ZNF195: variants seen among roughly 807,000 people sequenced by gnomAD.
ZNF195 encodes hypoxia-regulated factor-1.
A neutral mutation model predicts 19.5 loss-of-function variants in ZNF195; 11 were observed. The ratio of observed to expected loss-of-function variants is 0.57; its 90% CI spans 0.36 to 0.94. The LOEUF (loss-of-function observed/expected upper bound fraction) is 0.94, where lower values mean the gene tolerates loss of function less well. ZNF195 is among the 40% of genes least tolerant of loss of function. ZNF195 has a pLI of 0.01. For missense variants in ZNF195, 582 were observed against 709.0 expected, an observed-to-expected ratio of 0.82 and a Z score of 2.03; for synonymous variants, 214 against 248.1, an observed-to-expected ratio of 0.86 and a Z score of 1.29.
At chr11:3,362,767 A>G (rs1229808602) in intron 3 of ZNF195, 1 of 331,270 alleles carries the variant, frequency 3.0e-6, no homozygotes, top group Non-Finnish European at 5.5e-6. Context: ...TTTAGGAACT[A>G]AACTACTCAA....
At chr11:3,370,868 C>G (rs3794189) in intron 3 of ZNF195, 107 bp downstream of exon 3, 794,701 of 1,055,758 alleles carry the variant, frequency 0.75, 302,000 homozygotes, top group Middle Eastern at 0.82. Flanking sequence ...CTCTCAGAAA[C>G]CATCTCCACT....
rs771512349 is a variant in ZNF195 at position 3,359,072 on chromosome 11, C to G, written c.*46G>C. 1 of 1,500,358 alleles carries G rather than the reference C, an allele frequency of 6.7e-7. No individual in the cohort carries two copies. The highest frequency in any genetic ancestry group is 1.5e-5 in the South Asian group (1 of 68,774). 92.9% of individuals were successfully genotyped at this position (1,500,358 alleles called of 1,614,324 possible). A position where few individuals can be genotyped will look rare whatever the true frequency, so the allele number is the denominator to read the frequency against. ...ACTCTGATGTAAAGTGGGATGCGAG[C>G]AGATACTAACGGCTTTGCCTATTTT... On this transcript the variant is annotated 3_prime_UTR_variant, in exon 6 of 6. Coordinates refer to ENST00000399602, the MANE Select transcript of ZNF195 (RefSeq NM_001130520.3). This position sits in a 1 kb window ranked among gnomAD's most constrained non-coding sequence, Gnocchi z 5.5.
rs1848467278 is a variant in ZNF195 at position 3,358,149 on chromosome 11, G to A, written c.*969C>T. 2 of 152,038 alleles carry A rather than the reference G, an allele frequency of 1.3e-5. No individual in the cohort carries two copies. Among genetic ancestry groups the A allele is most frequent in the African/African-American group, 2.4e-5 (1 of 41,352 alleles). 9.4% of individuals were successfully genotyped at this position (152,038 alleles called of 1,614,324 possible). On this transcript the variant is annotated 3_prime_UTR_variant, in exon 6 of 6. Transcript: ENST00000399602. ...ATGTTTTTTGCCAGCTTTGTTATGCGAGGTGAACAGACATGTTAACCGCAT... is the reference window on the plus strand; with the variant it reads ...ATGTTTTTTGCCAGCTTTGTTATGCAAGGTGAACAGACATGTTAACCGCAT...
chr11:3,360,154 G>A lies in ZNF195; in HGVS notation c.854C>T (p.Ser285Leu), dbSNP rs1848558160. ...GECGKTFIQC[S>L]HFTEPENIDT... is the part of the protein sequence containing the mutation. ...AATGTTCTCAGGTTCAGTAAAGTGTGAGCACTGGATAAAGGTTTTGCCACA... is the reference window on the plus strand; with the variant it reads ...AATGTTCTCAGGTTCAGTAAAGTGTAAGCACTGGATAAAGGTTTTGCCACA... The change falls in exon 6 of 6, where the codon TCA becomes TTA. Residue 285 changes from serine (S) to leucine (L), a missense_variant. Ser to Leu is a moderately radical substitution (Grantham distance 145, BLOSUM62 -2). Around this residue, in one of 3 missense-constraint regions of ZNF195, gnomAD observed 407 missense variants for 530.5 expected, o/e 0.77. Transcript: ENST00000399602. The A allele has an allele frequency of 1.2e-6, 2 of 1,613,988 alleles. No homozygotes were observed. The highest frequency in any genetic ancestry group is 2.2e-5 in the East Asian group (1 of 44,860).
intron 4 of ZNF195, 45 bp from the exon 5 acceptor site, chr11:3,360,833 C>A: frequency 6.6e-7 from 1 of 1,522,040 alleles, no homozygotes; most frequent in Non-Finnish European, 8.9e-7. Context: ...CGTTTACCCA[C>A]TGCAGCCCCC....
chr11:3,368,874 C>A (rs373331403), intron 3 of ZNF195: 1 of 454,780 alleles, frequency 2.2e-6, no homozygotes, highest in Admixed American at 2.4e-5. Flanking sequence ...ACAGAATACC[C>A]GCAATCAAAA....
At chr11:3,362,361 C>T (rs1434109676) in intron 3 of ZNF195, among the ~76,000 whole-genome samples, 1 of 151,750 alleles carries the variant, frequency 6.6e-6, no homozygotes, top group Non-Finnish European at 1.5e-5. Flanking sequence ...AATGATGGTG[C>T]AGAAATCACT....
At chr11:3,376,834 T>G (rs1256605346) in intron 1 of ZNF195, among the ~76,000 whole-genome samples, 1 of 152,198 alleles carries the variant, frequency 6.6e-6, no homozygotes, top group African/African-American at 2.4e-5. Context: ...ACAGAGATAC[T>G]CATGACAACA....
chr11:3,373,869 G>A (rs776539703), intron 1 of ZNF195, among the ~76,000 whole-genome samples: 30 of 152,198 alleles, frequency 2.0e-4, no homozygotes, highest in Non-Finnish European at 3.5e-4. Flanking sequence ...CTAAACAACA[G>A]CAATTCTGCT....
At chr11:3,375,940 C>A (rs1849440611) in intron 1 of ZNF195, among the ~76,000 whole-genome samples, 2 of 152,306 alleles carry the variant, frequency 1.3e-5, no homozygotes, top group Non-Finnish European at 2.9e-5. Flanking sequence ...TGACCCTGCA[C>A]AGATGCCCTC....
intron 1 of ZNF195, among the ~76,000 whole-genome samples, chr11:3,372,366 GA>G (rs1389416644): frequency 6.6e-6 from 1 of 152,166 alleles, no homozygotes; most frequent in Non-Finnish European, 1.5e-5. Context: ...CTCCACAATG[GA>G]AAATCTGTCA....
At chr11:3,377,917 G>A in intron 1 of ZNF195, 1 of 986,478 alleles carries the variant, frequency 1.0e-6, no homozygotes, top group Non-Finnish European at 1.2e-6. Flanking sequence ...AAAATAAAAA[G>A]GAGGAGAGGC....
Position 3,358,731 on chromosome 11 carries a change from A to G in ZNF195, c.*387T>C. 1 of 4,256 alleles carries G rather than the reference A, an allele frequency of 2.3e-4. No individual in the cohort carries two copies. The highest frequency in any genetic ancestry group is 0.062 in the East Asian group (1 of 16). The allele number at this position is 4,256 out of a possible 1,614,324, so 0.3% of individuals were successfully genotyped here. A position where few individuals can be genotyped will look rare whatever the true frequency, so the allele number is the denominator to read the frequency against. ...TAAGTCTAGATGTCTCTGTAGACTC[A>G]ACACAGGGATTCAGTGTCATTTCTG... On this transcript the variant is annotated 3_prime_UTR_variant, in exon 6 of 6. Coordinates refer to ENST00000399602, the MANE Select transcript of ZNF195 (RefSeq NM_001130520.3).
chr11:3,374,683 G>A (rs563602453), intron 1 of ZNF195, among the ~76,000 whole-genome samples: 40 of 152,276 alleles, frequency 2.6e-4, no homozygotes, highest in African/African-American at 9.4e-4. Flanking sequence ...TAGATGAAGG[G>A]ACCAGGCTTT....
chr11:3,361,710 T>G, intron 4 of ZNF195, 33 bp downstream of exon 4: 2 of 1,297,684 alleles, frequency 1.5e-6, no homozygotes, highest in Non-Finnish European at 2.0e-6. Flanking sequence ...AAGCAGCAAG[T>G]GAAAAGCAAG....
chr11:3,368,894 A>T (rs1015448317), intron 3 of ZNF195: 1 of 453,712 alleles, frequency 2.2e-6, no homozygotes, highest in African/African-American at 2.0e-5. Context: ...ATAATGAAAT[A>T]GCCCATTTTT....
intron 3 of ZNF195, among the ~76,000 whole-genome samples, chr11:3,368,461 A>C (rs557032479): frequency 1.9e-4 from 29 of 152,346 alleles, no homozygotes; most frequent in African/African-American, 7.0e-4. Flanking sequence ...CCTTTAATAG[A>C]GCTTAGTAAT....
At chr11:3,373,976 C>A (rs369502449) in intron 1 of ZNF195, among the ~76,000 whole-genome samples, 1 of 152,206 alleles carries the variant, frequency 6.6e-6, no homozygotes, top group African/African-American at 2.4e-5. Flanking sequence ...GAGCTCAACT[C>A]GTACAAATGC....
In ZNF195 at chr11:3,359,075, A is replaced by G; in HGVS notation, c.*43T>C. The stretch of plus-strand genomic sequence containing the variant: ...CTGATGTAAAGTGGGATGCGAGCAG[A>G]TACTAACGGCTTTGCCTATTTTTAT... On this transcript the variant is annotated 3_prime_UTR_variant, in exon 6 of 6. Coordinates refer to ENST00000399602, the MANE Select transcript of ZNF195 (RefSeq NM_001130520.3). This position sits in a 1 kb window ranked among gnomAD's most constrained non-coding sequence, Gnocchi z 5.5. 1 of 1,506,098 alleles carries G rather than the reference A, an allele frequency of 6.6e-7. No individual in the cohort carries two copies. Among genetic ancestry groups the G allele is most frequent in the African/African-American group, 1.4e-5 (1 of 71,686 alleles). 93.3% of individuals were successfully genotyped at this position (1,506,098 alleles called of 1,614,324 possible). A position where few individuals can be genotyped will look rare whatever the true frequency, so the allele number is the denominator to read the frequency against.
Sources: gnomAD v4.1 joint callset for allele counts (sites outside exome capture counted in the v4.1 genomes callset) on GRCh38, gnomAD v4.1.1 for gene constraint, gnomAD v4.1.1 regional missense constraint, Gnocchi (gnomAD v3.1) non-coding constraint, MANE v1.5 for transcripts, NCBI Gene and HGNC (gene_info 2026-07-23, HGNC 2026-07-21) for gene names.